GRIN2A: variants seen among roughly 807,000 people sequenced by gnomAD.
GRIN2A encodes glutamate ionotropic receptor NMDA type subunit 2A.
GRIN2A carries 22 observed loss-of-function variants against 113.4 expected under a neutral mutation model. That is an observed-to-expected ratio of 0.19 (90% CI 0.14 to 0.28). GRIN2A has a LOEUF of 0.28. GRIN2A is among the 10% of genes least tolerant of loss of function. The probability of loss-of-function intolerance (pLI) is 1.00; values close to 1 mark genes in which losing one functional copy is unlikely to be tolerated. For synonymous variants in GRIN2A, 827 were observed against 738.4 expected, an observed-to-expected ratio of 1.12 and a Z score of -1.94; for missense variants, 1,502 against 1,887.0, an observed-to-expected ratio of 0.80 and a Z score of 3.78.
chr16:10,175,739 G>A (rs1184133711), intron 2 of GRIN2A, among the ~76,000 whole-genome samples: 1 of 152,176 alleles, frequency 6.6e-6, no homozygotes, highest in East Asian at 1.9e-4. Context: ...TGGCATGGAT[G>A]GATATAGCTA....
Position 9,945,010 on chromosome 16 carries a change from AAAG to A in GRIN2A, c.415-6462_415-6460del, listed in dbSNP as rs540670113. Among the ~76,000 whole-genome samples the A allele has an allele frequency of 3.7e-3, 557 of 152,278 alleles. 2 individuals are homozygous for A. Among genetic ancestry groups the A allele is most frequent in the African/African-American group, 0.013 (531 of 41,558 alleles). On this transcript the variant is annotated intron_variant, in intron 2 of 12. Coordinates refer to ENST00000330684, the MANE Select transcript of GRIN2A (RefSeq NM_001134407.3). ...TACATTCTTAGGGGAGGAGACAAAC[AAAG>A]AAGGACATCAATAAATAGAACAATT...
chr16:9,867,045 G>A (rs375510629), intron 4 of GRIN2A, among the ~76,000 whole-genome samples: 52 of 151,950 alleles, frequency 3.4e-4, no homozygotes, highest in Admixed American at 2.9e-3. Context: ...ATTTCTTCCC[G>A]ATTCCAACTT....
chr16:9,934,113 T>G (rs985714200), intron 3 of GRIN2A, among the ~76,000 whole-genome samples: 52 of 152,248 alleles, frequency 3.4e-4, no homozygotes, highest in African/African-American at 1.1e-3. Flanking sequence ...TTTCAAAATG[T>G]TGAAACAAAC....
At chr16:10,124,223 A>G (rs1421468177) in intron 2 of GRIN2A, among the ~76,000 whole-genome samples, 1 of 152,110 alleles carries the variant, frequency 6.6e-6, no homozygotes, top group Non-Finnish European at 1.5e-5. Context: ...ATAGGGAAAA[A>G]AGAGCACAGG....
intron 2 of GRIN2A, among the ~76,000 whole-genome samples, chr16:10,011,019 G>A (rs940842808): frequency 2.0e-5 from 3 of 152,106 alleles, no homozygotes; most frequent in African/African-American, 4.8e-5. Context: ...AACTTTTCAT[G>A]GTGACATCCA....
intron 2 of GRIN2A, among the ~76,000 whole-genome samples, chr16:10,140,981 C>A (rs991801470): frequency 6.6e-6 from 1 of 151,996 alleles, no homozygotes; most frequent in Non-Finnish European, 1.5e-5. Flanking sequence ...ACTGCTTGAG[C>A]CCAGGAGTTT....
intron 2 of GRIN2A, among the ~76,000 whole-genome samples, chr16:10,071,076 T>A (rs2047741546): frequency 6.6e-6 from 1 of 152,112 alleles, no homozygotes; most frequent in Admixed American, 6.5e-5. Flanking sequence ...GCAGTATTGA[T>A]CAGAAGGGGA....
At chr16:10,081,607 C>A (rs2047983736) in intron 2 of GRIN2A, among the ~76,000 whole-genome samples, 1 of 152,178 alleles carries the variant, frequency 6.6e-6, no homozygotes, top group African/African-American at 2.4e-5. Context: ...TCAAATACAA[C>A]TGGGGATAGT....
At chr16:9,772,329 G>A (rs11644075) in intron 11 of GRIN2A, among the ~76,000 whole-genome samples, 30,785 of 152,124 alleles carry the variant, frequency 0.2, 3,918 homozygotes, top group Non-Finnish European at 0.3. Flanking sequence ...CATCCCTTTG[G>A]AAATACAATG....
chr16:9,884,062 A>G (rs2043540156), intron 4 of GRIN2A, among the ~76,000 whole-genome samples: 1 of 152,180 alleles, frequency 6.6e-6, no homozygotes, highest in Non-Finnish European at 1.5e-5. Context: ...TTCTCAATAT[A>G]TATCCCTTTT....
intron 2 of GRIN2A, among the ~76,000 whole-genome samples, chr16:9,956,892 T>G (rs1049741552): frequency 2.0e-5 from 3 of 152,134 alleles, no homozygotes; most frequent in Admixed American, 2.0e-4. Flanking sequence ...GAGGCAAGTG[T>G]GAGGGTCTTT....
intron 4 of GRIN2A, among the ~76,000 whole-genome samples, chr16:9,883,572 T>C (rs1408624460): frequency 1.3e-5 from 2 of 152,168 alleles, no homozygotes; most frequent in African/African-American, 4.8e-5. Flanking sequence ...CAGGAGCAGG[T>C]GACAGCTGAA....
intron 10 of GRIN2A, among the ~76,000 whole-genome samples, chr16:9,812,379 C>T (rs2042104111): frequency 6.6e-6 from 1 of 152,200 alleles, no homozygotes; most frequent in African/African-American, 2.4e-5. Flanking sequence ...TAACTCACGC[C>T]TGTAATCCCA....
intron 2 of GRIN2A, among the ~76,000 whole-genome samples, chr16:10,094,537 C>T (rs1305738618): frequency 6.6e-6 from 1 of 152,114 alleles, no homozygotes; most frequent in East Asian, 1.9e-4. Flanking sequence ...GCAACCTCCA[C>T]CTCTTGGGTT....
At chr16:9,831,054 C>T (rs958421417) in intron 8 of GRIN2A, among the ~76,000 whole-genome samples, 5 of 152,130 alleles carry the variant, frequency 3.3e-5, no homozygotes, top group Non-Finnish European at 7.3e-5. Flanking sequence ...TATAACTTTT[C>T]CCATAAAGTG....
chr16:10,152,387 T>C (rs1265003099), intron 2 of GRIN2A, among the ~76,000 whole-genome samples: 3 of 152,186 alleles, frequency 2.0e-5, no homozygotes, highest in Admixed American at 6.5e-5. Flanking sequence ...TGGAAATGGT[T>C]TATTTTTGCC....
At chr16:9,866,569 C>T (rs1180109887) in intron 4 of GRIN2A, among the ~76,000 whole-genome samples, 1 of 152,168 alleles carries the variant, frequency 6.6e-6, no homozygotes, top group Non-Finnish European at 1.5e-5. Context: ...TTGAAATTGG[C>T]AATTGGCCTT....
intron 11 of GRIN2A, 38 bp downstream of exon 11, chr16:9,798,239 C>G: frequency 1.9e-6 from 3 of 1,565,474 alleles, no homozygotes; most frequent in Non-Finnish European, 2.6e-6. Context: ...GTGAGGGTCT[C>G]AAGTCCCCCT....
chr16:10,007,774 G>T (rs1049796871), intron 2 of GRIN2A, among the ~76,000 whole-genome samples: 1 of 152,186 alleles, frequency 6.6e-6, no homozygotes, highest in Non-Finnish European at 1.5e-5. Flanking sequence ...AGATGTAAGT[G>T]ACAAGAGGCT....
Sources: gnomAD v4.1 joint callset for allele counts (sites outside exome capture counted in the v4.1 genomes callset) on GRCh38, gnomAD v4.1.1 for gene constraint, MANE v1.5 for transcripts, NCBI Gene and HGNC (gene_info 2026-07-23, HGNC 2026-07-21) for gene names.